RAB30: variants seen among roughly 807,000 people sequenced by gnomAD.
RAB30 encodes the protein RAB30, member RAS oncogene family.
Under a neutral mutation model 25.1 loss-of-function variants are expected in RAB30, and 9 were observed. The observed-to-expected ratio is 0.36, with a 90% CI of 0.22 to 0.63. RAB30 has a LOEUF of 0.63. RAB30 is among the 20% of genes least tolerant of loss of function. RAB30 has a pLI of 0.69. For missense variants in RAB30, 140 were observed against 243.5 expected, an observed-to-expected ratio of 0.58 and a Z score of 2.83; for synonymous variants, 77 against 86.4, an observed-to-expected ratio of 0.89 and a Z score of 0.60.
chr11:83,052,156 G>A (rs1015792471), intron 1 of RAB30, among the ~76,000 whole-genome samples: 3 of 152,108 alleles, frequency 2.0e-5, no homozygotes, highest in African/African-American at 7.2e-5. Context: ...GCCAAATTTG[G>A]TCTTTAAGAA....
At chr11:83,005,496 G>A (rs747511694) in intron 1 of RAB30, among the ~76,000 whole-genome samples, 2 of 152,140 alleles carry the variant, frequency 1.3e-5, no homozygotes, top group Non-Finnish European at 2.9e-5. Context: ...AAATCAAACA[G>A]CTAATGAGTA....
rs114817525 is a variant in RAB30 at position 83,047,919 on chromosome 11, T to C, written c.-9+23772A>G. Among the ~76,000 whole-genome samples, 1,142 of 152,320 alleles carry C rather than the reference T, an allele frequency of 7.5e-3. 22 individuals carry two copies. Among genetic ancestry groups the C allele is most frequent in the African/African-American group, 0.026 (1,101 of 41,582 alleles). Reference sequence around the variant, plus strand: ...TACTGTTACGTATAAATCACAAAGTTGATCTAGAGATTCTGCCTTTTCTCC... The same window carrying C: ...TACTGTTACGTATAAATCACAAAGTCGATCTAGAGATTCTGCCTTTTCTCC... On this transcript the variant is annotated intron_variant, in intron 1 of 4. Transcript: ENST00000527633.
intron 1 of RAB30, among the ~76,000 whole-genome samples, chr11:82,999,484 G>C (rs932004468): frequency 6.6e-6 from 1 of 152,180 alleles, no homozygotes; most frequent in Non-Finnish European, 1.5e-5. Flanking sequence ...ATGAAAGAAT[G>C]AATGGGAGCC....
chr11:82,992,239 A>G, intron 3 of RAB30: 2 of 449,542 alleles, frequency 4.4e-6, no homozygotes, highest in Non-Finnish European at 9.0e-6. Flanking sequence ...TCCTGTCCCC[A>G]CAGCCTAGCT....
intron 1 of RAB30, among the ~76,000 whole-genome samples, chr11:83,065,939 G>A (rs564011199): frequency 1.3e-5 from 2 of 152,274 alleles, no homozygotes; most frequent in South Asian, 2.1e-4. Context: ...ATATGTATAC[G>A]TATACAATTT....
At chr11:82,984,171 C>T (rs998479935) in intron 4 of RAB30, among the ~76,000 whole-genome samples, 67 of 152,088 alleles carry the variant, frequency 4.4e-4, no homozygotes, top group African/African-American at 1.6e-3. Context: ...AAAAATGACC[C>T]CTGATTGATA....
chr11:83,024,847 C>T (rs538302353), intron 1 of RAB30, among the ~76,000 whole-genome samples: 2 of 152,338 alleles, frequency 1.3e-5, no homozygotes, highest in East Asian at 3.9e-4. Context: ...AAGAACCCTA[C>T]TTAACTGTGT....
At chr11:83,007,829 A>C (rs181108518) in intron 1 of RAB30, among the ~76,000 whole-genome samples, 6 of 150,792 alleles carry the variant, frequency 4.0e-5, no homozygotes, top group African/African-American at 1.5e-4. Context: ...CTTCCCACTC[A>C]TCGACCCCCT....
intron 1 of RAB30, among the ~76,000 whole-genome samples, chr11:83,006,097 A>G (rs1857179233): frequency 6.6e-6 from 1 of 152,162 alleles, no homozygotes; most frequent in Admixed American, 6.5e-5. Flanking sequence ...TGGTGACACT[A>G]TGGAGAAATG....
intron 1 of RAB30, among the ~76,000 whole-genome samples, chr11:83,027,937 C>T (rs1298029484): frequency 1.3e-5 from 2 of 152,152 alleles, no homozygotes; most frequent in African/African-American, 4.8e-5. Flanking sequence ...TTTCACTTAG[C>T]ATAATGTCAA....
intron 1 of RAB30, among the ~76,000 whole-genome samples, chr11:83,047,554 C>G (rs557542731): frequency 6.6e-6 from 1 of 152,040 alleles, no homozygotes; most frequent in East Asian, 1.9e-4. Flanking sequence ...GGCAACAAGC[C>G]AAGGAAAGTC....
chr11:83,014,634 A>AGAAAGAAAG (rs1555035112), intron 1 of RAB30, among the ~76,000 whole-genome samples: 2 of 112,616 alleles, frequency 1.8e-5, no homozygotes, highest in Non-Finnish European at 3.5e-5. Context: ...AGAAGTAAGA[A>AGAAAGAAAG]AAAGAAAGAA....
chr11:83,067,145 C>A (rs984152834), intron 1 of RAB30, among the ~76,000 whole-genome samples: 1 of 152,148 alleles, frequency 6.6e-6, no homozygotes, highest in African/African-American at 2.4e-5. Flanking sequence ...TGCCAAAGTA[C>A]CTCTTTGTAC....
intron 1 of RAB30, among the ~76,000 whole-genome samples, chr11:83,010,264 A>C (rs1283105187): frequency 6.6e-6 from 1 of 152,202 alleles, no homozygotes; most frequent in African/African-American, 2.4e-5. Context: ...CAGCCCAGGC[A>C]ACACAGCAAG....
chr11:83,064,658 C>T (rs1292280067), intron 1 of RAB30, among the ~76,000 whole-genome samples: 2 of 152,180 alleles, frequency 1.3e-5, no homozygotes, highest in Non-Finnish European at 2.9e-5. Flanking sequence ...CTTGAAATGA[C>T]CAGGAAAATC....
chr11:82,994,783 C>T (rs1214463353), intron 2 of RAB30, among the ~76,000 whole-genome samples: 2 of 152,112 alleles, frequency 1.3e-5, no homozygotes, highest in East Asian at 3.9e-4. Context: ...AAGCCAAAGA[C>T]ACTGGGAAGA....
At chr11:82,992,981 T>G (rs961915537) in intron 3 of RAB30, among the ~76,000 whole-genome samples, 5 of 152,186 alleles carry the variant, frequency 3.3e-5, no homozygotes, top group Non-Finnish European at 7.4e-5. Context: ...AGTATTGGGA[T>G]TATAGGCGTG....
At chr11:82,999,002 T>C (rs866329984) in intron 1 of RAB30, among the ~76,000 whole-genome samples, 3 of 152,168 alleles carry the variant, frequency 2.0e-5, no homozygotes, top group African/African-American at 7.2e-5. Flanking sequence ...ATGATGTCTG[T>C]GTAGATTTCA....
At chr11:83,059,823 G>T (rs773614397) in intron 1 of RAB30, among the ~76,000 whole-genome samples, 1 of 152,050 alleles carries the variant, frequency 6.6e-6, no homozygotes, top group Non-Finnish European at 1.5e-5. Context: ...ATAAGGTTGA[G>T]GGGGAAAAAA....
Sources: allele counts gnomAD v4.1 joint callset (sites outside exome capture counted in the v4.1 genomes callset), GRCh38; gene constraint gnomAD v4.1.1; transcripts MANE v1.5; gene names NCBI Gene and HGNC (gene_info 2026-07-23, HGNC 2026-07-21).